LTBP2: variants seen among roughly 807,000 people sequenced by gnomAD.
The protein encoded by LTBP2 is latent-transforming growth factor beta-binding protein 2.
A neutral mutation model predicts 210.6 loss-of-function variants in LTBP2; 103 were observed. The ratio of observed to expected loss-of-function variants is 0.49; its 90% CI spans 0.42 to 0.58. The LOEUF is 0.58. Among genes scored for constraint, LTBP2 ranks in the 20% least tolerant of loss-of-function variants. The probability of loss-of-function intolerance (pLI) is 0.00; values close to 1 mark genes in which losing one functional copy is unlikely to be tolerated. For synonymous variants in LTBP2, 1,007 were observed against 1,015.0 expected, an observed-to-expected ratio of 0.99 and a Z score of 0.15; for missense variants, 2,313 against 2,494.5, an observed-to-expected ratio of 0.93 and a Z score of 1.55.
Position 74,552,987 on chromosome 14 carries a change from C to T in LTBP2, c.1097G>A (p.Arg366His), listed in dbSNP as rs759632617. ...TPTICKQTCA[R>H]GHCANSCERG... Reference sequence around the variant, plus strand: ...CTCACAGCTGTTGGCACAGTGTCCACGGGCACAGGTCTGCTTGCAGATGGT... The same window carrying T: ...CTCACAGCTGTTGGCACAGTGTCCATGGGCACAGGTCTGCTTGCAGATGGT... Residue 366 changes from arginine (R) to histidine (H), a missense_variant, in exon 5 of 36, where the codon CGT becomes CAT. Around this residue, in one of 3 missense-constraint regions of LTBP2, gnomAD observed 1,867 missense variants for 1,976.9 expected, o/e 0.94. Transcript: ENST00000261978. 123 of 1,614,018 alleles carry T rather than the reference C, an allele frequency of 7.6e-5. No individual in the cohort carries two copies. Among genetic ancestry groups the T allele is most frequent in the Middle Eastern group, 1.6e-4 (1 of 6,084 alleles).
chr14:74,522,517 G>A (rs534135704), intron 16 of LTBP2, among the ~76,000 whole-genome samples: 16 of 152,248 alleles, frequency 1.1e-4, no homozygotes, highest in African/African-American at 3.6e-4. Context: ...TCTCAGAGAA[G>A]AGGGCTGCCA....
intron 35 of LTBP2, among the ~76,000 whole-genome samples, 163 bp from the exon 36 acceptor site, chr14:74,501,192 A>T (rs573099282): frequency 6.6e-6 from 1 of 152,338 alleles, no homozygotes; most frequent in Non-Finnish European, 1.5e-5. Context: ...TCAAGGACAA[A>T]GCAGGGGGCA....
At chr14:74,563,217 C>T (rs190829377) in intron 3 of LTBP2, among the ~76,000 whole-genome samples, 7 of 152,308 alleles carry the variant, frequency 4.6e-5, no homozygotes, top group African/African-American at 1.7e-4. Context: ...TTACTTGGCT[C>T]TCTCCCCTTT....
Position 74,508,861 on chromosome 14 carries a change from G to A in LTBP2, c.3495C>T (p.Gly1165=). 3.1e-6 allele frequency: 5 copies of A among 1,613,788 alleles called. No individual in the cohort carries two copies. The highest frequency in any genetic ancestry group is 4.2e-6 in the Non-Finnish European group (5 of 1,179,958). Residue 1165 remains glycine (G), a synonymous_variant, in exon 23 of 36, where the codon GGC becomes GGT. Transcript: ENST00000261978. ...ACACGGTGCCATTGGCCAGCTGGAA[G>A]CCCTGGGGACAGAGGCACTGGTAGG... is the stretch of plus-strand genomic sequence containing the variant. The part of the protein sequence containing the change: ...VGSYQCLCPQ[G]FQLANGTVCE...
At chr14:74,530,353 G>T (rs1184502483) in intron 10 of LTBP2, among the ~76,000 whole-genome samples, 2 of 152,180 alleles carry the variant, frequency 1.3e-5, no homozygotes, top group African/African-American at 2.4e-5. Flanking sequence ...TATTGAGTTT[G>T]CAAGGCTGAG....
chr14:74,512,615 G>T (rs1234581722), intron 18 of LTBP2, among the ~76,000 whole-genome samples: 1 of 152,230 alleles, frequency 6.6e-6, no homozygotes, highest in Non-Finnish European at 1.5e-5. Context: ...CTCTGTCCCA[G>T]AGGACTGGGA....
chr14:74,536,633 G>C (rs1370870375), intron 8 of LTBP2, among the ~76,000 whole-genome samples: 1 of 152,200 alleles, frequency 6.6e-6, no homozygotes, highest in Non-Finnish European at 1.5e-5. Context: ...ATCACCTCAG[G>C]TCAGGAGTTC....
rs151190353 is a variant in LTBP2, at chr14:74,548,144, T to C, written c.1789+1719A>G. ...GGGCCCCCATCCCACAGTGTACAGA[T>C]GTGCAAGTTGTGCACTGCACAAAAG... On this transcript the variant is annotated intron_variant, in intron 8 of 35. Coordinates refer to ENST00000261978, the MANE Select transcript of LTBP2 (RefSeq NM_000428.3). Among the ~76,000 whole-genome samples, 74 of 151,670 alleles carry C rather than the reference T, an allele frequency of 4.9e-4. No individual in the cohort carries two copies. The East Asian group carries it at 0.011, about 23-fold the overall frequency.
At chr14:74,606,411 C>T (rs1323566968) in intron 1 of LTBP2, among the ~76,000 whole-genome samples, 2 of 152,270 alleles carry the variant, frequency 1.3e-5, no homozygotes, top group South Asian at 4.1e-4. Flanking sequence ...AGGTTTGTTG[C>T]TCCCCAGTTA....
intron 24 of LTBP2, 107 bp from the exon 25 acceptor site, chr14:74,508,202 T>C: frequency 7.2e-7 from 1 of 1,396,164 alleles, no homozygotes; most frequent in Non-Finnish European, 9.9e-7. Context: ...AGTCAGGGAG[T>C]GGCTTATGTA....
At chr14:74,521,385 C>A (rs948412518) in intron 17 of LTBP2, among the ~76,000 whole-genome samples, 2 of 151,754 alleles carry the variant, frequency 1.3e-5, no homozygotes, top group Non-Finnish European at 2.9e-5. Context: ...AAAGGGTTTG[C>A]GTTGGGAGCG....
In LTBP2 at chr14:74,520,730, G is replaced by T. The variant is rs567185279; in HGVS notation, c.2788+1181C>A. Among the ~76,000 whole-genome samples the T allele has an allele frequency of 2.6e-5, 4 of 152,314 alleles. No homozygotes were observed. The East Asian group carries it at 7.7e-4, about 29-fold the overall frequency. ...GCAGGAGAATGGCGTGAACCCAGGA[G>T]GCAGAGGTTACAGTGAGCCAAGATT... On this transcript the variant is annotated intron_variant, in intron 17 of 35. Transcript: ENST00000261978.
chr14:74,580,479 T>G (rs1432514609), intron 3 of LTBP2, among the ~76,000 whole-genome samples: 1 of 152,064 alleles, frequency 6.6e-6, no homozygotes, highest in Non-Finnish European at 1.5e-5. Flanking sequence ...GTCAAGGTCA[T>G]GCAGCTACAA....
intron 17 of LTBP2, among the ~76,000 whole-genome samples, chr14:74,520,223 C>T (rs901587511): frequency 6.6e-6 from 1 of 152,240 alleles, no homozygotes; most frequent in African/African-American, 2.4e-5. Flanking sequence ...TCTGCTCCCT[C>T]AATTCCTATT....
At chr14:74,604,164 CAAAAAAA>C (rs59313477) in intron 1 of LTBP2, among the ~76,000 whole-genome samples, 13 of 72,740 alleles carry the variant, frequency 1.8e-4, no homozygotes, top group Admixed American at 3.6e-4. Flanking sequence ...TGCCTCTCAC[CAAAAAAA>C]AAAAAAAAAA....
At chr14:74,506,927 G>A (rs1008751681) in intron 26 of LTBP2, 104 bp from the exon 27 acceptor site, 28 of 1,565,208 alleles carry the variant, frequency 1.8e-5, no homozygotes, top group African/African-American at 6.8e-5. Flanking sequence ...ACACTCTCTC[G>A]TTCTCTGCTG....
In LTBP2 at chr14:74,611,480, G is replaced by A; in HGVS notation, c.465C>T (p.Pro155=). The change falls in exon 1 of 36, where the codon CCC becomes CCT. Residue 155 remains proline (P), a synonymous_variant. Coordinates refer to ENST00000261978, the MANE Select transcript of LTBP2 (RefSeq NM_000428.3). ...TGAGCCGCCCTCGCGGCGGGGTTGG[G>A]GGCGCAGCCCCAGACCGCTGTGGGG... ...LGTPQRSGAA[P]PTPPRGRLTG... 1 of 1,494,500 alleles carries A rather than the reference G, an allele frequency of 6.7e-7. No homozygotes were observed. The allele number at this position is 1,494,500 out of a possible 1,614,324, so 92.6% of individuals were successfully genotyped here. A position where few individuals can be genotyped will look rare whatever the true frequency, so the allele number is the denominator to read the frequency against.
At chr14:74,528,461 G>A (rs1440451244) in intron 12 of LTBP2, 22 bp downstream of exon 12, 2 of 1,610,968 alleles carry the variant, frequency 1.2e-6, no homozygotes, top group South Asian at 1.1e-5. Context: ...AATCCCTCAG[G>A]CATCTCCCCC....
At chr14:74,534,315 G>A (rs749067983) in intron 9 of LTBP2, among the ~76,000 whole-genome samples, 2 of 152,198 alleles carry the variant, frequency 1.3e-5, no homozygotes, top group Non-Finnish European at 2.9e-5. Flanking sequence ...AGGTGGCTCT[G>A]ATGAGACACT....
Sources: gnomAD v4.1 joint callset for allele counts (sites outside exome capture counted in the v4.1 genomes callset) on GRCh38, gnomAD v4.1.1 for gene constraint, gnomAD v4.1.1 regional missense constraint, MANE v1.5 for transcripts, NCBI Gene and HGNC (gene_info 2026-07-23, HGNC 2026-07-21) for gene names.